The following TMEM223 variants were observed in gnomAD, a reference collection of about 807,000 sequenced individuals.
TMEM223 encodes the protein transmembrane protein 223.
TMEM223 carries 14 observed loss-of-function variants against 14.1 expected under a neutral mutation model. The ratio of observed to expected loss-of-function variants is 0.99; its 90% CI spans 0.66 to 1.55. The LOEUF (loss-of-function observed/expected upper bound fraction) is 1.55, where lower values mean the gene tolerates loss of function less well. Ranked by LOEUF, TMEM223 falls within the 40% of genes most tolerant of loss-of-function variation. The pLI is 0.00. For missense variants in TMEM223, 346 were observed against 269.9 expected (o/e 1.28, Z -1.97); for synonymous variants, 145 against 120.5 (o/e 1.20, Z -1.33).
rs200382947 is a variant in TMEM223 at position 62,776,905 on chromosome 11, T to C, written c.315-2240A>G. Among the ~76,000 whole-genome samples the C allele has an allele frequency of 4.0e-5, 6 of 150,048 alleles. No homozygotes were observed. In the East Asian group the frequency reaches 1.2e-3, roughly 29 times the overall value. ...AGCTTACACCTAAAATCCCAGCACT[T>C]TGGGAGGTGGAGGCCGGCGGATCAC... On this transcript the variant is annotated intron_variant, in intron 1 of 2. Transcript: ENST00000528367.
At chr11:62,775,211 G>T (rs1447171121) in intron 1 of TMEM223, among the ~76,000 whole-genome samples, 1 of 152,298 alleles carries the variant, frequency 6.6e-6, no homozygotes. Context: ...GCTAGGAGAA[G>T]TGCCGAGCAA....
chr11:62,787,423 C>T (rs762694742), downstream of TMEM223: 4 of 1,559,668 alleles, frequency 2.6e-6, no homozygotes, highest in African/African-American at 1.4e-5. Flanking sequence ...TCCTGGTGGT[C>T]AGGGCGCCAT....
chr11:62,790,453 GTAAA>G lies in TMEM223; in HGVS notation c.*166_*169del, dbSNP rs2084347706. 2.4e-5 allele frequency: 8 copies of G among 329,742 alleles called. No individual in the cohort carries two copies. The East Asian group carries it at 3.5e-4, about 15-fold the overall frequency. 20.4% of individuals were successfully genotyped at this position (329,742 alleles called of 1,614,324 possible). ...GGCGTTTTTTTTTGTTTTTTTTTTTGTAAATAGAGACAAGGTCTCGCTATGTTGC... is the reference window on the plus strand; with the variant it reads ...GGCGTTTTTTTTTGTTTTTTTTTTTGTAGAGACAAGGTCTCGCTATGTTGC... On this transcript the variant is annotated 3_prime_UTR_variant, in exon 2 of 2. Coordinates refer to ENST00000307366, the MANE Select transcript of TMEM223 (RefSeq NM_001080501.3).
At chr11:62,775,874 G>A in intron 1 of TMEM223, 1 of 1,614,042 alleles carries the variant, frequency 6.2e-7, no homozygotes, top group East Asian at 2.2e-5. Context: ...GCTGAGCGAT[G>A]AGGTGGCGGC....
chr11:62,772,448 G>C (rs937600631), intron 2 of TMEM223, among the ~76,000 whole-genome samples: 5 of 151,846 alleles, frequency 3.3e-5, no homozygotes, highest in African/African-American at 1.2e-4. Context: ...GCTTGAACCA[G>C]GGAGGCAGAG....
At chr11:62,787,749 G>C, downstream of TMEM223, 2 of 669,136 alleles carry the variant, frequency 3.0e-6, no homozygotes, top group Non-Finnish European at 5.2e-6. Context: ...CCAAAGGGAC[G>C]GGTCAGTAGC....
At chr11:62,789,204 C>T (rs779905121), downstream of TMEM223, 1 of 1,614,138 alleles carries the variant, frequency 6.2e-7, no homozygotes, top group Non-Finnish European at 8.5e-7. Flanking sequence ...ATCGAGGACT[C>T]CCACAGGTGA....
chr11:62,781,715 G>GTATA (rs1430465374), intron 1 of TMEM223: 3 of 610,880 alleles, frequency 4.9e-6, no homozygotes, highest in Admixed American at 5.0e-5. Context: ...CCATATGCAG[G>GTATA]TATATGTGAA....
chr11:62,787,534 C>T (rs768315232), downstream of TMEM223: 1 of 1,557,236 alleles, frequency 6.4e-7, no homozygotes, highest in Admixed American at 1.8e-5. Flanking sequence ...CCAGGTGCGG[C>T]TGCGGGGCGG....
intron 1 of TMEM223, among the ~76,000 whole-genome samples, chr11:62,781,117 T>A (rs1590935856): frequency 1.3e-5 from 2 of 150,760 alleles, no homozygotes; most frequent in East Asian, 3.9e-4. Flanking sequence ...GCGCCTGTAA[T>A]CCCAGCTACT....
downstream of TMEM223, chr11:62,787,362 G>A (rs1026398614): frequency 9.1e-6 from 14 of 1,537,796 alleles, no homozygotes; most frequent in African/African-American, 1.8e-4. Flanking sequence ...CACCTTCGTG[G>A]GTCGCGCCGG....
intron 1 of TMEM223, among the ~76,000 whole-genome samples, chr11:62,779,281 G>A (rs1330622565): frequency 6.6e-6 from 1 of 151,926 alleles, no homozygotes; most frequent in Admixed American, 6.6e-5. Flanking sequence ...TGCAAGCTCC[G>A]TCTCCTGGGT....
At chr11:62,783,201 C>T (rs1276846663), downstream of TMEM223, among the ~76,000 whole-genome samples, 2 of 152,086 alleles carry the variant, frequency 1.3e-5, no homozygotes, top group African/African-American at 2.4e-5. Flanking sequence ...TAGGTGTTGG[C>T]GCCGGGCGCA....
At chr11:62,782,403 G>A in intron 1 of TMEM223, 1 of 1,512,986 alleles carries the variant, frequency 6.6e-7, no homozygotes, top group Non-Finnish European at 9.0e-7. Flanking sequence ...AGGAAATGGG[G>A]CGAAGCCTCT....
intron 1 of TMEM223, among the ~76,000 whole-genome samples, chr11:62,791,175 AG>A (rs2084356604): frequency 6.6e-6 from 1 of 152,164 alleles, no homozygotes; most frequent in Non-Finnish European, 1.5e-5. Context: ...GAGAGCTTTA[AG>A]GACCTTGCTC....
downstream of TMEM223, chr11:62,787,251 C>T (rs1257472042): frequency 1.9e-6 from 3 of 1,568,154 alleles, no homozygotes; most frequent in Admixed American, 1.8e-5. Flanking sequence ...GCCGCCCCGC[C>T]CGCCGGTGGG....
At chr11:62,789,921 G>A (rs1292804056), downstream of TMEM223, 2 of 1,614,046 alleles carry the variant, frequency 1.2e-6, no homozygotes, top group Admixed American at 1.7e-5. Context: ...TGTGGTGTGT[G>A]GTCTTGGTGC....
chr11:62,789,578 C>A, downstream of TMEM223: 1 of 1,549,688 alleles, frequency 6.5e-7, no homozygotes, highest in Non-Finnish European at 8.7e-7. Flanking sequence ...CGCTTTCTCA[C>A]AACTGTCTCT....
rs949867229 is a variant in TMEM223 at position 62,779,076 on chromosome 11, A to G, written c.315-4411T>C. The G allele has an allele frequency of 3.5e-6, 3 of 860,692 alleles. No individual in the cohort carries two copies. The African/African-American group carries it at 5.2e-5, about 15-fold the overall frequency. 53.3% of individuals were successfully genotyped at this position (860,692 alleles called of 1,614,324 possible). ...GCTCTTGTTGCCCAGGCTGGAGTGC[A>G]ATGGCATGATCTCAGCTCACCGCAC... On this transcript the variant is annotated intron_variant, in intron 1 of 2. Transcript: ENST00000528367.
Sources: gnomAD v4.1 joint callset for allele counts (sites outside exome capture counted in the v4.1 genomes callset) on GRCh38, gnomAD v4.1.1 for gene constraint, MANE v1.5 for transcripts, NCBI Gene and HGNC (gene_info 2026-07-23, HGNC 2026-07-21) for gene names.